The following ANKFN1 variants were observed in gnomAD, a reference collection of about 807,000 sequenced individuals.
The protein encoded by ANKFN1 is ankyrin repeat and fibronectin type III domain containing 1.
A neutral mutation model predicts 108.7 loss-of-function variants in ANKFN1; 74 were observed. That is an observed-to-expected ratio of 0.68 (90% CI 0.56 to 0.83). The LOEUF (loss-of-function observed/expected upper bound fraction) is 0.83, where lower values mean the gene tolerates loss of function less well. ANKFN1 is among the 40% of genes least tolerant of loss of function. The probability of loss-of-function intolerance (pLI) is 0.00; values close to 1 mark genes in which losing one functional copy is unlikely to be tolerated. For synonymous variants in ANKFN1, 547 were observed against 516.2 expected (o/e 1.06, Z -0.81); for missense variants, 1,505 against 1,382.3 (o/e 1.09, Z -1.41).
intron 3 of ANKFN1, among the ~76,000 whole-genome samples, chr17:56,256,356 T>C (rs1165304454): frequency 6.6e-6 from 1 of 152,192 alleles, no homozygotes; most frequent in Non-Finnish European, 1.5e-5. Flanking sequence ...CTCAGGCATT[T>C]TCCTCATGGC....
At position 56,326,231 on chromosome 17, in the gene ANKFN1, A is replaced by G; in HGVS notation, c.64A>G (p.Arg22Gly). The change falls in exon 4 of 21, where the codon AGA (arginine) becomes GGA (glycine). Residue 22 changes from arginine (R) to glycine (G), a missense_variant. Physicochemically the swap from Arg to Gly is moderately radical, Grantham distance 125. Coordinates refer to ENST00000682825, the MANE Select transcript of ANKFN1 (RefSeq NM_001370326.1). ...TTATTCTTTACACAGAATAGGAAGG[A>G]GATTCGCTTGCTTTGCACAGAGGCT... ...HFTCSKIIGR[R>G]FACFAQRLSH... 1 of 1,612,390 alleles carries G rather than the reference A, an allele frequency of 6.2e-7. No homozygotes were observed. Among genetic ancestry groups the G allele is most frequent in the Non-Finnish European group, 8.5e-7 (1 of 1,179,326 alleles).
intron 8 of ANKFN1, among the ~76,000 whole-genome samples, chr17:56,412,338 G>T (rs942345245): frequency 3.3e-5 from 5 of 152,102 alleles, no homozygotes; most frequent in African/African-American, 1.2e-4. Flanking sequence ...TTTCATTTCT[G>T]ATTTTATTTG....
At chr17:56,430,546 CTA>C (rs755954563) in intron 8 of ANKFN1, among the ~76,000 whole-genome samples, 2 of 139,198 alleles carry the variant, frequency 1.4e-5, no homozygotes, top group Non-Finnish European at 3.2e-5. Context: ...ACAAAGGTAA[CTA>C]TGTGAGAGAT....
intron 11 of ANKFN1, among the ~76,000 whole-genome samples, chr17:56,454,112 C>A (rs1426505753): frequency 6.6e-6 from 1 of 152,114 alleles, no homozygotes; most frequent in Non-Finnish European, 1.5e-5. Flanking sequence ...TACTAGAACT[C>A]TTGTTATTCA....
intron 14 of ANKFN1, among the ~76,000 whole-genome samples, chr17:56,462,646 A>T (rs1276558068): frequency 1.3e-5 from 2 of 152,190 alleles, no homozygotes; most frequent in African/African-American, 4.8e-5. Context: ...AAAATGCATT[A>T]TACATAGTTT....
chr17:56,116,222 A>G (rs1005104933), intron 4 of ANKFN1, among the ~76,000 whole-genome samples: 5 of 152,096 alleles, frequency 3.3e-5, no homozygotes, highest in South Asian at 2.1e-4. Context: ...TAGACATACA[A>G]TCTCTTGAAT....
At chr17:56,126,292 A>G (rs1906924017) in intron 4 of ANKFN1, among the ~76,000 whole-genome samples, 2 of 86,474 alleles carry the variant, frequency 2.3e-5, no homozygotes, top group Admixed American at 1.0e-4. Flanking sequence ...GGAAAAAAAA[A>G]GGGGGGGCTA....
intron 3 of ANKFN1, among the ~76,000 whole-genome samples, chr17:56,296,134 G>A (rs564333842): frequency 5.3e-5 from 8 of 152,010 alleles, no homozygotes; most frequent in African/African-American, 1.9e-4. Context: ...TGTTTGATGT[G>A]ATAACTCTAA....
At position 56,224,080 on chromosome 17, in the gene ANKFN1, AT is replaced by A. The variant is rs1567848294; in HGVS notation, c.13-3836del. 4.6e-5 allele frequency among the ~76,000 whole-genome samples: 7 copies of A among 152,372 alleles called. No individual in the cohort carries two copies. In the East Asian group the frequency reaches 1.3e-3, roughly 29 times the overall value. On this transcript the variant is annotated intron_variant, in intron 2 of 20. Transcript: ENST00000682825. ...TGCTTCTGCCCCCAGAGTGGGGGTC[AT>A]GGGCAGAGCCCCTACAACTCTTGAC...
intron 14 of ANKFN1, among the ~76,000 whole-genome samples, chr17:56,460,314 G>A (rs761412155): frequency 1.3e-5 from 2 of 152,140 alleles, no homozygotes; most frequent in African/African-American, 4.8e-5. Context: ...TTAGCTGGAT[G>A]TGGTGGTGCA....
intron 8 of ANKFN1, among the ~76,000 whole-genome samples, chr17:56,400,234 C>T (rs140980321): frequency 6.6e-6 from 1 of 152,150 alleles, no homozygotes; most frequent in African/African-American, 2.4e-5. Context: ...TCACTGCATC[C>T]ACACCAACAT....
intron 6 of ANKFN1, among the ~76,000 whole-genome samples, chr17:56,356,677 G>A (rs1476444912): frequency 6.6e-6 from 1 of 152,026 alleles, no homozygotes; most frequent in Non-Finnish European, 1.5e-5. Flanking sequence ...TGATAAATGA[G>A]GATGGAAGAA....
At chr17:56,438,012 A>G (rs1056293496) in intron 8 of ANKFN1, among the ~76,000 whole-genome samples, 9 of 76,132 alleles carry the variant, frequency 1.2e-4, no homozygotes, top group Non-Finnish European at 2.3e-4. Flanking sequence ...GTGTGTATAC[A>G]TATATATGCA....
intron 1 of ANKFN1, among the ~76,000 whole-genome samples, chr17:56,204,473 C>T (rs1053094207): frequency 3.5e-4 from 52 of 150,404 alleles, no homozygotes; most frequent in African/African-American, 1.2e-3. Context: ...CCAGAGTAGC[C>T]GGGATTACAG....
chr17:56,144,159 A>G (rs1448635092), intron 4 of ANKFN1, among the ~76,000 whole-genome samples: 39 of 69,158 alleles, frequency 5.6e-4, no homozygotes, highest in African/African-American at 2.2e-3. Flanking sequence ...CGCATCTGAA[A>G]AAAAAAAAAA....
intron 3 of ANKFN1, among the ~76,000 whole-genome samples, chr17:56,252,671 A>T (rs1361689892): frequency 6.6e-6 from 1 of 151,028 alleles, no homozygotes; most frequent in Non-Finnish European, 1.5e-5. Context: ...CTGGCTACTA[A>T]GGAGAGTGAG....
intron 4 of ANKFN1, among the ~76,000 whole-genome samples, chr17:56,060,542 A>G (rs115829891): frequency 0.021 from 3,163 of 152,150 alleles, 102 homozygotes; most frequent in African/African-American, 0.072. Flanking sequence ...GCTTTTGCCC[A>G]TTTCATATGA....
intron 3 of ANKFN1, among the ~76,000 whole-genome samples, chr17:56,315,991 T>A (rs1169516256): frequency 6.6e-6 from 1 of 152,204 alleles, no homozygotes; most frequent in Non-Finnish European, 1.5e-5. Context: ...TTCTTTCTTC[T>A]CCAATTCATT....
chr17:56,249,492 T>C (rs2043189225), intron 3 of ANKFN1, among the ~76,000 whole-genome samples: 1 of 151,804 alleles, frequency 6.6e-6, no homozygotes, highest in Admixed American at 6.6e-5. Flanking sequence ...AAAGGAAATC[T>C]AATAAAAATC....
Sources: allele counts gnomAD v4.1 joint callset (sites outside exome capture counted in the v4.1 genomes callset), GRCh38; gene constraint gnomAD v4.1.1; transcripts MANE v1.5; gene names NCBI Gene and HGNC (gene_info 2026-07-23, HGNC 2026-07-21).